The following ERICH6B variants were observed in gnomAD, a reference collection of about 807,000 sequenced individuals.
The protein encoded by ERICH6B is glutamate rich 6B.
In ERICH6B, 69 loss-of-function variants were observed where a neutral mutation model predicts 80.0. The observed-to-expected ratio is 0.86, with a 90% CI of 0.71 to 1.05. The LOEUF (loss-of-function observed/expected upper bound fraction) is 1.05, where lower values mean the gene tolerates loss of function less well. ERICH6B is among the 50% of genes least tolerant of loss of function. The pLI, the probability that ERICH6B is intolerant of heterozygous loss-of-function variation, is 0.00. For synonymous variants in ERICH6B, 283 were observed against 291.9 expected (o/e 0.97, Z 0.31); for missense variants, 754 against 796.1 (o/e 0.95, Z 0.64).
intron 13 of ERICH6B, among the ~76,000 whole-genome samples, chr13:45,545,927 C>T (rs1873973799): frequency 6.6e-6 from 1 of 152,192 alleles, no homozygotes; most frequent in East Asian, 1.9e-4. Context: ...TGTATTTCCC[C>T]TAGGAGCAAG....
At chr13:45,566,337 G>A (rs1300940994) in intron 9 of ERICH6B, among the ~76,000 whole-genome samples, 2 of 152,200 alleles carry the variant, frequency 1.3e-5, no homozygotes, top group Admixed American at 6.5e-5. Flanking sequence ...CATAAGTAAC[G>A]AGGAGCTGAA....
chr13:45,564,373 C>T (rs1255061565), intron 9 of ERICH6B, among the ~76,000 whole-genome samples: 2 of 152,238 alleles, frequency 1.3e-5, no homozygotes, highest in African/African-American at 2.4e-5. Flanking sequence ...TAAGTGTGCT[C>T]TCCAGGGCAG....
chr13:45,613,468 C>T (rs575348750), intron 1 of ERICH6B, among the ~76,000 whole-genome samples: 19 of 152,136 alleles, frequency 1.2e-4, no homozygotes, highest in East Asian at 5.8e-4. Flanking sequence ...GGCACTCAGC[C>T]GATGGTCACG....
chr13:45,578,920 T>G (rs540521118), intron 7 of ERICH6B, among the ~76,000 whole-genome samples: 1 of 152,166 alleles, frequency 6.6e-6, no homozygotes, highest in African/African-American at 2.4e-5. Context: ...AGTGGTGGCA[T>G]GCACCCGTGG....
intron 4 of ERICH6B, among the ~76,000 whole-genome samples, chr13:45,587,710 T>C (rs1213618565): frequency 6.6e-6 from 1 of 152,204 alleles, no homozygotes; most frequent in East Asian, 1.9e-4. Flanking sequence ...CCAAAGGGCC[T>C]GAGGGCGGGG....
At chr13:45,609,345 G>A (rs558012478) in intron 1 of ERICH6B, among the ~76,000 whole-genome samples, 34 of 152,256 alleles carry the variant, frequency 2.2e-4, no homozygotes, top group Non-Finnish European at 4.6e-4. Context: ...TGTCTGAAAA[G>A]TTCTTCATCC....
At chr13:45,587,298 G>T in intron 4 of ERICH6B, 66 bp from the exon 5 acceptor site, 1 of 1,438,204 alleles carries the variant, frequency 7.0e-7, no homozygotes, top group Non-Finnish European at 9.5e-7. Flanking sequence ...CCCTTCTAAG[G>T]CATGTTAGGG....
chr13:45,574,925 C>A lies in ERICH6B; in HGVS notation c.967G>T (p.Glu323Ter), dbSNP rs952845920. 2 of 1,550,544 alleles carry A rather than the reference C, an allele frequency of 1.3e-6. No individual in the cohort carries two copies. Among genetic ancestry groups the A allele is most frequent in the Non-Finnish European group, 1.7e-6 (2 of 1,146,464 alleles). ...VQQKKEENVLEFASKENFWDG... is the reference protein window; with the variant it reads ...VQQKKEENVL Reference sequence around the variant, plus strand: ...CAAAAGTTCTCTTTAGAAGCAAACTCCAGGACTTTCGATTTTGGAAGGAGC... The same window carrying A: ...CAAAAGTTCTCTTTAGAAGCAAACTACAGGACTTTCGATTTTGGAAGGAGC... Residue 323 changes from glutamate (E) to a stop codon, truncating the protein, a stop_gained, in exon 8 of 15, where the codon GAG becomes TAG. Transcript: ENST00000298738. LOFTEE classifies it high-confidence loss of function.
chr13:45,543,091 G>A (rs182191558), intron 14 of ERICH6B, among the ~76,000 whole-genome samples: 6 of 146,144 alleles, frequency 4.1e-5, no homozygotes, highest in Admixed American at 3.3e-4. Flanking sequence ...CAGGGGCCCC[G>A]GGACACCTCT....
intron 4 of ERICH6B, among the ~76,000 whole-genome samples, chr13:45,588,807 C>T (rs1489274436): frequency 6.6e-6 from 1 of 152,190 alleles, no homozygotes; most frequent in Admixed American, 6.5e-5. Flanking sequence ...GAAGCAGAGC[C>T]GGGTTCTAGC....
intron 2 of ERICH6B, among the ~76,000 whole-genome samples, chr13:45,600,657 T>C (rs1355099213): frequency 6.6e-6 from 1 of 152,248 alleles, no homozygotes; most frequent in Non-Finnish European, 1.5e-5. Context: ...TCCAGTTCCA[T>C]TCATGTTGTT....
intron 1 of ERICH6B, among the ~76,000 whole-genome samples, chr13:45,611,475 T>C (rs1949899408): frequency 6.6e-6 from 1 of 152,234 alleles, no homozygotes; most frequent in Non-Finnish European, 1.5e-5. Context: ...GATGCTTCAG[T>C]GGCATTGCAA....
intron 2 of ERICH6B, among the ~76,000 whole-genome samples, chr13:45,606,167 T>C (rs1450758783): frequency 1.3e-5 from 2 of 152,176 alleles, no homozygotes; most frequent in Non-Finnish European, 2.9e-5. Flanking sequence ...AAAATGAAAT[T>C]CACTGAGATG....
chr13:45,606,128 A>G (rs1156794225), intron 2 of ERICH6B, among the ~76,000 whole-genome samples: 1 of 152,236 alleles, frequency 6.6e-6, no homozygotes, highest in Non-Finnish European at 1.5e-5. Context: ...AAAAGAACGA[A>G]GAAATAATAT....
Position 45,597,143 on chromosome 13 carries a change from A to G in ERICH6B, c.-58-80T>C, listed in dbSNP as rs1876432454. On this transcript the variant is annotated intron_variant, in intron 2 of 14. Transcript: ENST00000298738. ...GATTTAATTCCATTTTTGTTCACTT[A>G]TTTCATTCAGTAGTCTTTGGAGGGC... The G allele has an allele frequency of 2.9e-6, 3 of 1,024,338 alleles. No homozygotes were observed. In the South Asian group the frequency reaches 5.3e-5, roughly 18 times the overall value. The allele number at this position is 1,024,338 out of a possible 1,614,324, so 63.5% of individuals were successfully genotyped here.
intron 13 of ERICH6B, among the ~76,000 whole-genome samples, chr13:45,547,968 G>A (rs778443219): frequency 2.6e-5 from 4 of 152,162 alleles, no homozygotes; most frequent in Admixed American, 6.5e-5. Flanking sequence ...GAAATGGTCA[G>A]AATTGGGAAG....
intron 14 of ERICH6B, 83 bp from the exon 15 acceptor site, chr13:45,541,763 C>T (rs946630513): frequency 2.3e-6 from 3 of 1,302,092 alleles, no homozygotes; most frequent in Admixed American, 4.1e-5. Context: ...CTCCTGTGGC[C>T]AGGACCAAGC....
chr13:45,566,963 G>A (rs1225531085), intron 9 of ERICH6B, among the ~76,000 whole-genome samples: 1 of 152,244 alleles, frequency 6.6e-6, no homozygotes. Context: ...CAAAGCCACA[G>A]GGGCAGAGCT....
chr13:45,611,366 C>T lies in ERICH6B; in HGVS notation c.-110-3751G>A, dbSNP rs77945429. On this transcript the variant is annotated intron_variant, in intron 1 of 14. Transcript: ENST00000298738. Reference sequence around the variant, plus strand: ...TTTAATAAGATTAATTCTCAAATACCGAGTGATTTGGCATATCCCCAAAGA... The same window carrying T: ...TTTAATAAGATTAATTCTCAAATACTGAGTGATTTGGCATATCCCCAAAGA... Among the ~76,000 whole-genome samples, 1,363 of 152,194 alleles carry T rather than the reference C, an allele frequency of 9.0e-3. 17 individuals carry two copies. Among genetic ancestry groups the T allele is most frequent in the African/African-American group, 0.03 (1,249 of 41,512 alleles).
Sources: allele counts gnomAD v4.1 joint callset (sites outside exome capture counted in the v4.1 genomes callset), GRCh38; gene constraint gnomAD v4.1.1; transcripts MANE v1.5; gene names NCBI Gene and HGNC (gene_info 2026-07-23, HGNC 2026-07-21).